NPAS2: variants seen among roughly 807,000 people sequenced by gnomAD.
The protein encoded by NPAS2 is neuronal PAS domain-containing protein 2.
In NPAS2, 23 loss-of-function variants were observed where a neutral mutation model predicts 107.5. That is an observed-to-expected ratio of 0.21 (90% CI 0.15 to 0.30). NPAS2 has a LOEUF of 0.30. Ranked by LOEUF, NPAS2 falls within the 10% of genes least tolerant of loss-of-function variation. The pLI is 1.00. For synonymous variants in NPAS2, 403 were observed against 417.5 expected (o/e 0.97, Z 0.42); for missense variants, 756 against 1,043.3 (o/e 0.72, Z 3.79).
intron 7 of NPAS2, 38 bp from the exon 8 acceptor site, chr2:100,964,020 G>A (rs746420316): frequency 7.3e-7 from 1 of 1,377,606 alleles, no homozygotes; most frequent in South Asian, 1.2e-5. Flanking sequence ...TCACCAGACA[G>A]GGCTAACCTA....
chr2:100,966,877 A>T (rs1462803414), intron 10 of NPAS2, among the ~76,000 whole-genome samples: 1 of 152,202 alleles, frequency 6.6e-6, no homozygotes, highest in South Asian at 2.1e-4. Context: ...GATTACAGGC[A>T]TAAGCCACTG....
intron 19 of NPAS2, among the ~76,000 whole-genome samples, chr2:100,991,380 A>G (rs1237348373): frequency 1.3e-5 from 2 of 152,242 alleles, no homozygotes; most frequent in African/African-American, 4.8e-5. Context: ...ACTAGGGACA[A>G]CGGTTACTGG....
chr2:100,933,077 C>T (rs1045673725), intron 4 of NPAS2, 76 bp downstream of exon 4: 94 of 1,087,416 alleles, frequency 8.6e-5, no homozygotes, highest in Middle Eastern at 2.0e-4. Context: ...AGTCCCTGTA[C>T]CCAAAGGAAA....
At chr2:100,909,737 GTTT>G (rs34081201) in intron 2 of NPAS2, among the ~76,000 whole-genome samples, 2 of 146,952 alleles carry the variant, frequency 1.4e-5, no homozygotes, top group East Asian at 2.0e-4. Flanking sequence ...CTTCCTCTTT[GTTT>G]TTTTTTTTTT....
chr2:100,832,532 G>A (rs1676807761), intron 1 of NPAS2, among the ~76,000 whole-genome samples: 1 of 152,150 alleles, frequency 6.6e-6, no homozygotes, highest in Admixed American at 6.5e-5. Flanking sequence ...ACATCTGTTT[G>A]GTCTTGTACT....
At chr2:100,949,074 C>A (rs892355209) in intron 6 of NPAS2, among the ~76,000 whole-genome samples, 1 of 152,160 alleles carries the variant, frequency 6.6e-6, no homozygotes, top group South Asian at 2.1e-4. Context: ...TTTTAACATA[C>A]CATATGAAAA....
intron 1 of NPAS2, among the ~76,000 whole-genome samples, chr2:100,849,511 A>G (rs553541726): frequency 1.3e-5 from 2 of 152,146 alleles, no homozygotes; most frequent in African/African-American, 4.8e-5. Context: ...CTCCAGGTAG[A>G]TCATTCCTGG....
At chr2:100,894,906 T>G (rs895893783) in intron 1 of NPAS2, among the ~76,000 whole-genome samples, 1 of 152,232 alleles carries the variant, frequency 6.6e-6, no homozygotes, top group Non-Finnish European at 1.5e-5. Flanking sequence ...AGTGGAGGAA[T>G]GTACTTGGTT....
chr2:100,860,775 C>T lies in NPAS2; in HGVS notation c.-23+40361C>T, dbSNP rs74793064. On this transcript the variant is annotated intron_variant, in intron 1 of 20. Transcript: ENST00000335681. ...AGAGCTCTTTCCAGCTGGCTTCTGA[C>T]GTGTCCGCATCATTCTTTGAGCTCT... is the stretch of plus-strand genomic sequence containing the variant. Among the ~76,000 whole-genome samples the T allele has an allele frequency of 5.8e-3, 890 of 152,304 alleles. 52 individuals are homozygous for T. The East Asian group carries it at 0.14, about 23-fold the overall frequency.
intron 1 of NPAS2, among the ~76,000 whole-genome samples, chr2:100,888,377 C>T (rs960569276): frequency 2.6e-5 from 4 of 151,830 alleles, no homozygotes; most frequent in African/African-American, 9.7e-5. Context: ...AGGGATGAGC[C>T]GTGGGGGCGG....
At chr2:100,960,690 G>A (rs1286209095) in intron 7 of NPAS2, among the ~76,000 whole-genome samples, 1 of 152,112 alleles carries the variant, frequency 6.6e-6, no homozygotes, top group East Asian at 1.9e-4. Context: ...AGCTGGCAGA[G>A]TGAACGGGCC....
At chr2:100,955,880 T>C (rs558525149) in intron 7 of NPAS2, among the ~76,000 whole-genome samples, 94 of 152,050 alleles carry the variant, frequency 6.2e-4, no homozygotes, top group Non-Finnish European at 1.2e-3. Flanking sequence ...CTCTCTCTCT[T>C]TTGAAAATAT....
intron 1 of NPAS2, among the ~76,000 whole-genome samples, chr2:100,859,525 G>A (rs1445090704): frequency 1.3e-5 from 2 of 152,222 alleles, no homozygotes; most frequent in Non-Finnish European, 2.9e-5. Context: ...GGGGACAGGG[G>A]TGGCCCTTCG....
At chr2:100,977,902 G>C (rs1314947825) in intron 15 of NPAS2, 103 bp downstream of exon 15, 3 of 943,264 alleles carry the variant, frequency 3.2e-6, no homozygotes, top group Non-Finnish European at 5.0e-6. Flanking sequence ...AGGCCCTGAC[G>C]TGGGGGAATG....
At chr2:100,901,663 C>A (rs149799063) in intron 1 of NPAS2, 7 of 479,192 alleles carry the variant, frequency 1.5e-5, no homozygotes, top group Non-Finnish European at 1.6e-5. Context: ...CACTGAAGGC[C>A]GCCTCCTATG....
intron 1 of NPAS2, among the ~76,000 whole-genome samples, chr2:100,883,395 G>C (rs1407047374): frequency 1.3e-5 from 2 of 152,156 alleles, no homozygotes; most frequent in Non-Finnish European, 2.9e-5. Context: ...CCTGACTGGA[G>C]GGTGGGAATG....
intron 2 of NPAS2, among the ~76,000 whole-genome samples, chr2:100,916,743 C>G (rs571261592): frequency 6.6e-6 from 1 of 152,252 alleles, no homozygotes; most frequent in Non-Finnish European, 1.5e-5. Context: ...ATACAACATT[C>G]CACTCAGCAA....
chr2:100,897,551 C>T (rs572812864), intron 1 of NPAS2, among the ~76,000 whole-genome samples: 11 of 152,284 alleles, frequency 7.2e-5, no homozygotes, highest in South Asian at 4.1e-4. Flanking sequence ...GGCTGTTCCT[C>T]GCTTTCCTTG....
intron 3 of NPAS2, among the ~76,000 whole-genome samples, chr2:100,929,585 G>C (rs1683811973): frequency 1.3e-5 from 2 of 152,196 alleles, no homozygotes; most frequent in South Asian, 4.1e-4. Context: ...AGAGAAGATT[G>C]TTCACTTTTC....
Sources: gnomAD v4.1 joint callset for allele counts (sites outside exome capture counted in the v4.1 genomes callset) on GRCh38, gnomAD v4.1.1 for gene constraint, MANE v1.5 for transcripts, NCBI Gene and HGNC (gene_info 2026-07-23, HGNC 2026-07-21) for gene names.